CNTNAP2: variants seen among roughly 807,000 people sequenced by gnomAD.
CNTNAP2 encodes the protein contactin associated protein 2.
A neutral mutation model predicts 155.2 loss-of-function variants in CNTNAP2; 98 were observed. That is an observed-to-expected ratio of 0.63 (90% CI 0.54 to 0.75). The LOEUF (loss-of-function observed/expected upper bound fraction) is 0.75, where lower values mean the gene tolerates loss of function less well. CNTNAP2 is among the 30% of genes least tolerant of loss of function. CNTNAP2 has a pLI of 0.00. For missense variants in CNTNAP2, 1,727 were observed against 1,688.1 expected, an observed-to-expected ratio of 1.02 and a Z score of -0.40; for synonymous variants, 651 against 631.2, an observed-to-expected ratio of 1.03 and a Z score of -0.47.
chr7:147,988,722 G>A (rs1313060433), intron 15 of CNTNAP2, among the ~76,000 whole-genome samples: 2 of 152,196 alleles, frequency 1.3e-5, no homozygotes, highest in African/African-American at 4.8e-5. Context: ...ATCCCCAGAT[G>A]CAGGCGGGAG....
chr7:147,274,552 C>A (rs556649389), intron 8 of CNTNAP2, among the ~76,000 whole-genome samples: 2 of 151,926 alleles, frequency 1.3e-5, no homozygotes, highest in Non-Finnish European at 2.9e-5. Flanking sequence ...TCTTTGAGTT[C>A]TTTGTAGATT....
intron 9 of CNTNAP2, among the ~76,000 whole-genome samples, chr7:147,346,688 A>G (rs1364043372): frequency 6.6e-6 from 1 of 152,140 alleles, no homozygotes; most frequent in Non-Finnish European, 1.5e-5. Context: ...GACTACCACA[A>G]TTTACACAGC....
chr7:147,863,100 G>A (rs1799165164), intron 13 of CNTNAP2, among the ~76,000 whole-genome samples: 1 of 152,018 alleles, frequency 6.6e-6, no homozygotes, highest in East Asian at 1.9e-4. Flanking sequence ...TCCCTGACAG[G>A]CCCCAGTGTG....
At chr7:146,213,762 C>T (rs1028986358) in intron 1 of CNTNAP2, among the ~76,000 whole-genome samples, 2 of 152,034 alleles carry the variant, frequency 1.3e-5, no homozygotes, top group East Asian at 3.9e-4. Flanking sequence ...TTTGTGTTTC[C>T]GTCTGTAGAA....
chr7:147,901,250 G>A (rs1440881705), intron 13 of CNTNAP2, among the ~76,000 whole-genome samples: 1 of 152,046 alleles, frequency 6.6e-6, no homozygotes, highest in Non-Finnish European at 1.5e-5. Flanking sequence ...AATCCATTTT[G>A]CAGAAATCTA....
At chr7:147,291,965 A>C (rs771467628) in intron 8 of CNTNAP2, among the ~76,000 whole-genome samples, 1 of 152,094 alleles carries the variant, frequency 6.6e-6, no homozygotes, top group Non-Finnish European at 1.5e-5. Flanking sequence ...GATTTACAGG[A>C]GCTCTTAGTA....
intron 1 of CNTNAP2, among the ~76,000 whole-genome samples, chr7:146,596,584 T>C (rs148355150): frequency 0.023 from 2,028 of 86,396 alleles, 36 homozygotes; most frequent in Middle Eastern, 0.1. Flanking sequence ...AAGAGAGAGA[T>C]AGAAGGGAGA....
intron 3 of CNTNAP2, among the ~76,000 whole-genome samples, chr7:146,932,018 A>G (rs1305090198): frequency 7.3e-5 from 11 of 150,398 alleles, no homozygotes; most frequent in Admixed American, 6.0e-4. Context: ...ACAAGGAGGA[A>G]CTGGTACCAT....
intron 20 of CNTNAP2, among the ~76,000 whole-genome samples, chr7:148,252,515 T>C (rs994024353): frequency 3.9e-5 from 6 of 152,186 alleles, no homozygotes; most frequent in Non-Finnish European, 1.5e-5. Context: ...AGCTCAGCAC[T>C]TCCTTTGGTT....
intron 14 of CNTNAP2, among the ~76,000 whole-genome samples, chr7:147,926,739 T>C (rs1378515605): frequency 1.3e-5 from 2 of 151,968 alleles, no homozygotes; most frequent in Non-Finnish European, 2.9e-5. Context: ...TAAAGGAAAA[T>C]AGAAGAACTG....
intron 1 of CNTNAP2, among the ~76,000 whole-genome samples, chr7:146,637,901 CAT>C (rs1434225940): frequency 2.0e-5 from 3 of 152,164 alleles, no homozygotes; most frequent in Admixed American, 6.5e-5. Context: ...CAAAAACCAA[CAT>C]ATATGTTATT....
intron 3 of CNTNAP2, among the ~76,000 whole-genome samples, chr7:147,043,593 T>TTGC (rs1292170444): frequency 6.6e-6 from 1 of 152,234 alleles, no homozygotes; most frequent in African/African-American, 2.4e-5. Flanking sequence ...ATTTATTGTA[T>TTGC]AAATTAAATG....
At chr7:146,329,844 A>G (rs1307684445) in intron 1 of CNTNAP2, among the ~76,000 whole-genome samples, 1 of 152,102 alleles carries the variant, frequency 6.6e-6, no homozygotes, top group Non-Finnish European at 1.5e-5. Context: ...TTCCCTGCTC[A>G]AGCATTATAT....
At chr7:146,387,354 G>C (rs887136346) in intron 1 of CNTNAP2, among the ~76,000 whole-genome samples, 4 of 152,152 alleles carry the variant, frequency 2.6e-5, no homozygotes, top group Non-Finnish European at 5.9e-5. Flanking sequence ...CCTGCCCCAG[G>C]TGACTCACAG....
chr7:146,622,129 GTATATATATA>G (rs3077336), intron 1 of CNTNAP2, among the ~76,000 whole-genome samples: 2 of 144,730 alleles, frequency 1.4e-5, no homozygotes, highest in African/African-American at 5.0e-5. Flanking sequence ...TTATGTATGT[GTATATATATA>G]TATACACACA....
At chr7:146,390,225 A>G (rs2129106453) in intron 1 of CNTNAP2, among the ~76,000 whole-genome samples, 1 of 152,330 alleles carries the variant, frequency 6.6e-6, no homozygotes, top group South Asian at 2.1e-4. Context: ...AGTAAATATT[A>G]CTTTGTAAAT....
intron 3 of CNTNAP2, among the ~76,000 whole-genome samples, chr7:146,961,886 G>A (rs191043407): frequency 9.9e-5 from 15 of 152,188 alleles, no homozygotes; most frequent in African/African-American, 1.4e-4. Flanking sequence ...ATGGTGCCAG[G>A]GATTACGGTC....
chr7:147,482,864 G>T (rs988223224), intron 10 of CNTNAP2, among the ~76,000 whole-genome samples: 1 of 151,928 alleles, frequency 6.6e-6, no homozygotes, highest in Non-Finnish European at 1.5e-5. Flanking sequence ...TGACCAACAT[G>T]GTGAAACCCT....
chr7:148,321,255 G>A (rs1182802331), intron 21 of CNTNAP2, among the ~76,000 whole-genome samples: 1 of 152,176 alleles, frequency 6.6e-6, no homozygotes. Context: ...AGACTTTGCA[G>A]AAGGAAATCA....
Sources: allele counts gnomAD v4.1 joint callset (sites outside exome capture counted in the v4.1 genomes callset), GRCh38; gene constraint gnomAD v4.1.1; transcripts MANE v1.5; gene names NCBI Gene and HGNC (gene_info 2026-07-23, HGNC 2026-07-21).